Variants in MEF2A observed in about 807,000 individuals in gnomAD.
The protein encoded by MEF2A is myocyte-specific enhancer factor 2A.
A neutral mutation model predicts 55.8 loss-of-function variants in MEF2A; 28 were observed. The ratio of observed to expected loss-of-function variants is 0.50; its 90% CI spans 0.37 to 0.69. The LOEUF is 0.69. MEF2A is among the 30% of genes least tolerant of loss of function. MEF2A has a pLI of 0.00. For synonymous variants in MEF2A, 239 were observed against 227.1 expected, an observed-to-expected ratio of 1.05 and a Z score of -0.47; for missense variants, 528 against 626.2, an observed-to-expected ratio of 0.84 and a Z score of 1.67.
intron 2 of MEF2A, among the ~76,000 whole-genome samples, chr15:99,599,801 A>G (rs1567195841): frequency 6.6e-6 from 1 of 152,120 alleles, no homozygotes; most frequent in Admixed American, 6.5e-5. Context: ...CTCTACCCAT[A>G]GGTTCCTCAT....
intron 1 of MEF2A, among the ~76,000 whole-genome samples, chr15:99,597,461 A>G (rs773692982): frequency 4.6e-5 from 7 of 152,114 alleles, no homozygotes; most frequent in Non-Finnish European, 2.9e-5. Flanking sequence ...ATCAGTGACA[A>G]TGGTGCCCGA....
chr15:99,601,392 A>G (rs1019217411), intron 2 of MEF2A, among the ~76,000 whole-genome samples: 4 of 151,824 alleles, frequency 2.6e-5, no homozygotes, highest in Middle Eastern at 3.4e-3. Context: ...TGCTTGCTCT[A>G]TTAGACTGGT....
Position 99,579,671 on chromosome 15 carries a change from C to A in MEF2A, c.-225+13567C>A, listed in dbSNP as rs1965358219. On this transcript the variant is annotated intron_variant, in intron 1 of 11. Transcript: ENST00000557942. ...TCAACCTCCCAAAGTGCTGGGATTACAGGCGTGAGTCACTGTGCCCAGCCT... is the reference window on the plus strand; with the variant it reads ...TCAACCTCCCAAAGTGCTGGGATTAAAGGCGTGAGTCACTGTGCCCAGCCT... Among the ~76,000 whole-genome samples, 3 of 152,236 alleles carry A rather than the reference C, an allele frequency of 2.0e-5. No individual in the cohort carries two copies. In the South Asian group the frequency reaches 6.2e-4, roughly 32 times the overall value.
chr15:99,699,677 A>G (rs1196238244), intron 8 of MEF2A, among the ~76,000 whole-genome samples: 1 of 152,210 alleles, frequency 6.6e-6, no homozygotes, highest in African/African-American at 2.4e-5. Flanking sequence ...AACTTTGGAA[A>G]CTTTTGACTG....
At chr15:99,600,588 G>A (rs1972643055) in intron 2 of MEF2A, among the ~76,000 whole-genome samples, 2 of 152,092 alleles carry the variant, frequency 1.3e-5, no homozygotes, top group South Asian at 2.1e-4. Flanking sequence ...TGTATATGGT[G>A]TGAGGTAAGG....
chr15:99,576,835 G>T (rs1028688091), intron 1 of MEF2A, among the ~76,000 whole-genome samples: 3 of 152,016 alleles, frequency 2.0e-5, no homozygotes, highest in African/African-American at 7.2e-5. Flanking sequence ...TTTTAGTAGA[G>T]ACGGGGTTTC....
At chr15:99,591,383 T>C (rs1188546519) in intron 1 of MEF2A, among the ~76,000 whole-genome samples, 1 of 152,208 alleles carries the variant, frequency 6.6e-6, no homozygotes, top group Non-Finnish European at 1.5e-5. Flanking sequence ...TGCATTACTC[T>C]TGACAAGGAG....
rs1555441741 is a variant in MEF2A at position 99,571,195 on chromosome 15, A to AAC, written c.-225+5092_-225+5093insCA. On this transcript the variant is annotated intron_variant, in intron 1 of 11. Coordinates refer to ENST00000557942, the MANE Select transcript of MEF2A (RefSeq NM_001319206.4). ...TGAGACTCCATCTCCAAAAAAAAAA[A>AAC]AACAACAACAACAACAACAGACTTC... 2.8e-3 allele frequency among the ~76,000 whole-genome samples: 431 copies of AAC among 151,320 alleles called. 3 individuals carry two copies. Among genetic ancestry groups the AAC allele is most frequent in the African/African-American group, 9.8e-3 (402 of 41,064 alleles).
At chr15:99,663,317 A>G (rs2048997812) in intron 4 of MEF2A, among the ~76,000 whole-genome samples, 1 of 152,308 alleles carries the variant, frequency 6.6e-6, no homozygotes, top group East Asian at 1.9e-4. Context: ...CAGATGCCAA[A>G]GATTATAGTA....
intron 3 of MEF2A, among the ~76,000 whole-genome samples, chr15:99,641,051 C>T (rs983338484): frequency 6.6e-6 from 1 of 152,066 alleles, no homozygotes; most frequent in African/African-American, 2.4e-5. Flanking sequence ...TGATCCCAGT[C>T]GATCATATAA....
intron 7 of MEF2A, among the ~76,000 whole-genome samples, chr15:99,680,440 A>G (rs2153673099): frequency 6.6e-6 from 1 of 152,324 alleles, no homozygotes; most frequent in Admixed American, 6.5e-5. Context: ...GAAACTGATG[A>G]TCTCATGCAT....
At chr15:99,671,647 A>G (rs1176514813) in intron 5 of MEF2A, 193 bp downstream of exon 5, 1 of 1,580,898 alleles carries the variant, frequency 6.3e-7, no homozygotes. Context: ...ATGCGGAATC[A>G]TAAAATCGCA....
At chr15:99,590,892 AC>A (rs886157620) in intron 1 of MEF2A, among the ~76,000 whole-genome samples, 2 of 152,072 alleles carry the variant, frequency 1.3e-5, no homozygotes, top group African/African-American at 2.4e-5. Flanking sequence ...ATAATTTGTC[AC>A]GTTTACCATT....
rs138144173 is a variant in MEF2A at position 99,610,998 on chromosome 15, T to G, written c.-143+12487T>G. Among the ~76,000 whole-genome samples, 1,077 of 152,352 alleles carry G rather than the reference T, an allele frequency of 7.1e-3. 16 individuals are homozygous for G. Among genetic ancestry groups the G allele is most frequent in the African/African-American group, 0.024 (1,011 of 41,584 alleles). ...GGCTCATGCCTATAATCCCAGCACT[T>G]CGGGAGGCCGAGGTGGGTGGATCAC... On this transcript the variant is annotated intron_variant, in intron 2 of 11. Coordinates refer to ENST00000557942, the MANE Select transcript of MEF2A (RefSeq NM_001319206.4).
At chr15:99,707,102 C>T (rs150977821) in intron 10 of MEF2A, among the ~76,000 whole-genome samples, 186 of 152,296 alleles carry the variant, frequency 1.2e-3, no homozygotes, top group African/African-American at 4.4e-3. Context: ...ACCCCTGACA[C>T]AAAGCCACGT....
At chr15:99,673,846 T>C (rs1276266007) in intron 5 of MEF2A, among the ~76,000 whole-genome samples, 1 of 137,976 alleles carries the variant, frequency 7.2e-6, no homozygotes, top group East Asian at 2.1e-4. Flanking sequence ...TGCATTGTTA[T>C]GTATATAATT....
At chr15:99,606,806 T>C (rs1408272636) in intron 2 of MEF2A, among the ~76,000 whole-genome samples, 2 of 152,200 alleles carry the variant, frequency 1.3e-5, no homozygotes, top group East Asian at 1.9e-4. Flanking sequence ...TACCCTGTGA[T>C]GCATTAATTT....
rs181935436 is a variant in MEF2A, at chr15:99,678,844, G to T, written c.670+3386G>T. 2.6e-5 allele frequency: 5 copies of T among 188,772 alleles called. No individual in the cohort carries two copies. The East Asian group carries it at 9.4e-4, about 35-fold the overall frequency. 11.7% of individuals were successfully genotyped at this position (188,772 alleles called of 1,614,324 possible). ...AGTAAAAAGGCAAGACAGAATGGGA[G>T]AATATATATAGTATGTATACAATCA... is the stretch of plus-strand genomic sequence containing the variant. On this transcript the variant is annotated intron_variant, in intron 7 of 11. Transcript: ENST00000557942.
chr15:99,709,140 T>C (rs917280811), intron 10 of MEF2A, among the ~76,000 whole-genome samples: 2 of 152,166 alleles, frequency 1.3e-5, no homozygotes, highest in African/African-American at 4.8e-5. Context: ...TGGGTGCTGA[T>C]AGCATAGACT....
Sources: allele counts gnomAD v4.1 joint callset (sites outside exome capture counted in the v4.1 genomes callset), GRCh38; gene constraint gnomAD v4.1.1; transcripts MANE v1.5; gene names NCBI Gene and HGNC (gene_info 2026-07-23, HGNC 2026-07-21).